Variants in NMNAT3 observed in about 807,000 individuals in gnomAD.
The protein encoded by NMNAT3 is nicotinamide/nicotinic acid mononucleotide adenylyltransferase 3.
NMNAT3 carries 21 observed loss-of-function variants against 24.8 expected under a neutral mutation model. That is an observed-to-expected ratio of 0.85 (90% CI 0.60 to 1.22). NMNAT3 has a LOEUF of 1.22. Among genes scored for constraint, NMNAT3 ranks in the 50% most tolerant of loss-of-function variants. The probability of loss-of-function intolerance (pLI) is 0.00; values close to 1 mark genes in which losing one functional copy is unlikely to be tolerated. For synonymous variants in NMNAT3, 136 were observed against 155.2 expected (o/e 0.88, Z 0.92); for missense variants, 387 against 436.6 (o/e 0.89, Z 1.01).
intron 1 of NMNAT3, among the ~76,000 whole-genome samples, chr3:139,663,815 A>G (rs1273716109): frequency 6.6e-6 from 1 of 152,174 alleles, no homozygotes; most frequent in African/African-American, 2.4e-5. Flanking sequence ...ATGTAGACTT[A>G]TGGTCACAGC....
intron 3 of NMNAT3, among the ~76,000 whole-genome samples, chr3:139,608,251 G>A (rs767460763): frequency 1.3e-5 from 2 of 152,230 alleles, no homozygotes; most frequent in African/African-American, 2.4e-5. Context: ...AGCAGAGACA[G>A]CATGGCCTGC....
At chr3:139,645,613 G>A (rs966583725) in intron 1 of NMNAT3, among the ~76,000 whole-genome samples, 3 of 152,154 alleles carry the variant, frequency 2.0e-5, no homozygotes, top group African/African-American at 7.2e-5. Context: ...AGAAGAAAGA[G>A]AGGAGAAGGG....
chr3:139,603,251 G>T (rs935875602), intron 3 of NMNAT3, among the ~76,000 whole-genome samples: 1 of 152,138 alleles, frequency 6.6e-6, no homozygotes, highest in Non-Finnish European at 1.5e-5. Context: ...TGCTTGTTTA[G>T]TTTTTATGGA....
intron 3 of NMNAT3, among the ~76,000 whole-genome samples, chr3:139,612,605 G>C (rs928596147): frequency 6.6e-6 from 1 of 152,202 alleles, no homozygotes; most frequent in African/African-American, 2.4e-5. Context: ...GAGTCAGCAA[G>C]TCCTATCACT....
Position 139,643,486 on chromosome 3 carries a change from A to G in NMNAT3, c.-140-5424T>C, listed in dbSNP as rs561699800. On this transcript the variant is annotated intron_variant, in intron 1 of 6. Coordinates refer to ENST00000643695, the MANE Select transcript of NMNAT3 (RefSeq NM_001320510.2). ...CAAGTGTCCATTAACGGAAGAATGG[A>G]TCAACAAAATGAATGGAAAAACAAA... is the stretch of plus-strand genomic sequence containing the variant. 2.0e-5 allele frequency among the ~76,000 whole-genome samples: 3 copies of G among 152,238 alleles called. No individual in the cohort carries two copies. The South Asian group carries it at 6.2e-4, about 31-fold the overall frequency.
intron 1 of NMNAT3, among the ~76,000 whole-genome samples, chr3:139,675,966 G>T (rs2057916058): frequency 6.6e-6 from 1 of 152,174 alleles, no homozygotes; most frequent in Admixed American, 6.5e-5. Flanking sequence ...GCTGCCCAGG[G>T]TCAGTCACAG....
intron 3 of NMNAT3, among the ~76,000 whole-genome samples, chr3:139,596,937 TATATATATATATATATA>T (rs1302973385): frequency 6.8e-4 from 54 of 79,976 alleles, no homozygotes; most frequent in African/African-American, 2.8e-3. Context: ...TATATATATA[TATATATATATATATATA>T]TATATATATA....
chr3:139,636,262 G>T (rs1043265689), intron 2 of NMNAT3: 1 of 151,756 alleles, frequency 6.6e-6, no homozygotes, highest in South Asian at 2.1e-4. Flanking sequence ...AGTTTCTATT[G>T]TCCCAGTTAA....
chr3:139,622,260 T>C (rs2055810378), intron 3 of NMNAT3, among the ~76,000 whole-genome samples: 1 of 152,186 alleles, frequency 6.6e-6, no homozygotes, highest in Admixed American at 6.5e-5. Flanking sequence ...TTTTTGTTAT[T>C]TTAATAATAG....
chr3:139,653,782 C>T (rs2057138721), intron 1 of NMNAT3, among the ~76,000 whole-genome samples: 2 of 152,218 alleles, frequency 1.3e-5, no homozygotes, highest in Admixed American at 6.5e-5. Flanking sequence ...CTTTCTTCCC[C>T]TACTTCCATT....
chr3:139,626,583 T>C (rs1417223531), intron 3 of NMNAT3, among the ~76,000 whole-genome samples: 5 of 152,106 alleles, frequency 3.3e-5, no homozygotes, highest in African/African-American at 1.2e-4. Context: ...CATTGGTTCA[T>C]TTTTCTCTTT....
At chr3:139,607,925 T>C (rs975377695) in intron 3 of NMNAT3, among the ~76,000 whole-genome samples, 1 of 152,216 alleles carries the variant, frequency 6.6e-6, no homozygotes. Flanking sequence ...AACTCCGTCT[T>C]GACAACCCCA....
intron 3 of NMNAT3, among the ~76,000 whole-genome samples, chr3:139,625,839 G>C (rs771874610): frequency 2.0e-5 from 3 of 152,086 alleles, no homozygotes; most frequent in Non-Finnish European, 4.4e-5. Flanking sequence ...TGCTGGTGGT[G>C]AGTTCTTTCA....
intron 3 of NMNAT3, among the ~76,000 whole-genome samples, chr3:139,614,217 A>G (rs899284852): frequency 2.6e-5 from 4 of 151,696 alleles, no homozygotes; most frequent in African/African-American, 9.7e-5. Flanking sequence ...TTAGATGTGT[A>G]TGTATACATT....
chr3:139,582,452 G>T (rs1236317758), intron 4 of NMNAT3, among the ~76,000 whole-genome samples: 1 of 151,324 alleles, frequency 6.6e-6, no homozygotes, highest in African/African-American at 2.4e-5. Flanking sequence ...GAGCAGCCTG[G>T]CCAACGTGGC....
At chr3:139,654,846 G>C (rs1219359677) in intron 1 of NMNAT3, among the ~76,000 whole-genome samples, 1 of 152,198 alleles carries the variant, frequency 6.6e-6, no homozygotes, top group East Asian at 1.9e-4. Flanking sequence ...GAGTCAGGCA[G>C]TATGCCAGAA....
chr3:139,606,503 C>T (rs1334011189), intron 3 of NMNAT3, among the ~76,000 whole-genome samples: 3 of 152,128 alleles, frequency 2.0e-5, no homozygotes, highest in Non-Finnish European at 4.4e-5. Flanking sequence ...TAGATTTCTC[C>T]ACATAAGTTA....
At chr3:139,582,190 CAAAAAAA>C (rs756159164) in intron 4 of NMNAT3, among the ~76,000 whole-genome samples, 94 of 23,064 alleles carry the variant, frequency 4.1e-3, no homozygotes, top group African/African-American at 0.011. Context: ...GACTCCCTCT[CAAAAAAA>C]AAAAAAAAAA....
intron 1 of NMNAT3, among the ~76,000 whole-genome samples, chr3:139,654,176 C>A (rs763308183): frequency 2.0e-5 from 3 of 152,184 alleles, no homozygotes; most frequent in Non-Finnish European, 2.9e-5. Context: ...AGCTGAAAAG[C>A]TAAGCATTTG....
Sources: gnomAD v4.1 joint callset for allele counts (sites outside exome capture counted in the v4.1 genomes callset) on GRCh38, gnomAD v4.1.1 for gene constraint, MANE v1.5 for transcripts, NCBI Gene and HGNC (gene_info 2026-07-23, HGNC 2026-07-21) for gene names.